The following C2orf92 variants were observed in gnomAD, a reference collection of about 807,000 sequenced individuals.
C2orf92 encodes the protein uncharacterized protein C2orf92.
chr2:97,688,502 A>G (rs1017637138), intron 3 of C2orf92, among the ~76,000 whole-genome samples: 1 of 152,180 alleles, frequency 6.6e-6, no homozygotes, highest in Admixed American at 6.5e-5. Context: ...GAGCTTTCTG[A>G]GCTTTTAGAA....
At chr2:97,679,631 C>T (rs1175925414) in intron 3 of C2orf92, among the ~76,000 whole-genome samples, 2 of 151,800 alleles carry the variant, frequency 1.3e-5, no homozygotes, top group African/African-American at 4.8e-5. Flanking sequence ...CACCTGAGGT[C>T]AGGAGTTTGA....
chr2:97,690,386 C>T (rs1218755121), intron 5 of C2orf92, 59 bp downstream of exon 5: 3 of 337,266 alleles, frequency 8.9e-6, no homozygotes, highest in African/African-American at 2.2e-5. Flanking sequence ...TCTTTTTCCT[C>T]TTTTTTTTTT....
intron 5 of C2orf92, among the ~76,000 whole-genome samples, chr2:97,695,867 T>C (rs1314792020): frequency 6.6e-6 from 1 of 152,166 alleles, no homozygotes; most frequent in Admixed American, 6.5e-5. Flanking sequence ...TTCTCCTGTC[T>C]CAGCCTCCTG....
At position 97,678,807 on chromosome 2, in the gene C2orf92, T is replaced by TAAAA. The variant is rs58050567; in HGVS notation, c.232+2897_232+2900dup. Among the ~76,000 whole-genome samples the TAAAA allele has an allele frequency of 2.8e-3, 310 of 110,150 alleles. 8 individuals carry two copies. The East Asian group carries it at 0.046, about 16-fold the overall frequency. 72.3% of individuals were successfully genotyped at this position (110,150 alleles called of 152,430 possible). A position where few individuals can be genotyped will look rare whatever the true frequency, so the allele number is the denominator to read the frequency against. The stretch of plus-strand genomic sequence containing the variant: ...CAATACGGCAAAACCCTGTTTCTAC[T>TAAAA]AAAAAAAAAAAAAAAAAAAAATTAG... On this transcript the variant is annotated intron_variant, in intron 3 of 7. Transcript: ENST00000627399.
At chr2:97,681,990 A>G (rs1675793316) in intron 3 of C2orf92, among the ~76,000 whole-genome samples, 1 of 152,218 alleles carries the variant, frequency 6.6e-6, no homozygotes, top group South Asian at 2.1e-4. Flanking sequence ...AAGAAGTGAA[A>G]TAACAGAAAA....
intron 3 of C2orf92, among the ~76,000 whole-genome samples, 171 bp from the exon 4 acceptor site, chr2:97,688,724 G>C (rs1676041582): frequency 1.3e-5 from 2 of 152,130 alleles, no homozygotes; most frequent in African/African-American, 4.8e-5. Context: ...AATGATTTAG[G>C]TAATTGGAGT....
intron 6 of C2orf92, among the ~76,000 whole-genome samples, chr2:97,699,484 C>T (rs968623271): frequency 6.6e-6 from 1 of 152,028 alleles, no homozygotes; most frequent in Non-Finnish European, 1.5e-5. Context: ...TGCCTGTAAT[C>T]GCAGCTACTC....
At chr2:97,666,206 G>C (rs1675225881), upstream of C2orf92, among the ~76,000 whole-genome samples, 1 of 151,550 alleles carries the variant, frequency 6.6e-6, no homozygotes, top group Non-Finnish European at 1.5e-5. Flanking sequence ...TTATGACCAT[G>C]GGTTGGGACT....
chr2:97,693,717 C>T (rs752846124), intron 5 of C2orf92, among the ~76,000 whole-genome samples: 2 of 152,202 alleles, frequency 1.3e-5, no homozygotes, highest in Non-Finnish European at 2.9e-5. Context: ...TGCTTCAGCA[C>T]ATCTGTGCTG....
At chr2:97,695,099 G>T (rs1179221471) in intron 5 of C2orf92, among the ~76,000 whole-genome samples, 1 of 152,124 alleles carries the variant, frequency 6.6e-6, no homozygotes, top group Non-Finnish European at 1.5e-5. Context: ...TTCCCATCCT[G>T]GGTGGGGTAC....
chr2:97,678,699 G>A (rs986140030), intron 3 of C2orf92, among the ~76,000 whole-genome samples: 9 of 151,900 alleles, frequency 5.9e-5, no homozygotes, highest in Non-Finnish European at 1.3e-4. Context: ...GCAGGGCATG[G>A]TGGCTCATTC....
intron 3 of C2orf92, among the ~76,000 whole-genome samples, chr2:97,680,005 C>A (rs1024531182): frequency 5.3e-5 from 8 of 152,108 alleles, no homozygotes; most frequent in African/African-American, 1.9e-4. Context: ...ATATACACAA[C>A]AAATAGCAAA....
chr2:97,690,796 T>C (rs1676111442), intron 5 of C2orf92, among the ~76,000 whole-genome samples: 1 of 150,524 alleles, frequency 6.6e-6, no homozygotes, highest in African/African-American at 2.4e-5. Flanking sequence ...GTTTTTTTTT[T>C]TGAGACAGAG....
Position 97,690,204 on chromosome 2 carries a change from A to G in C2orf92, c.332-52A>G, listed in dbSNP as rs1676082442. On this transcript the variant is annotated intron_variant, in intron 4 of 7. Coordinates refer to ENST00000627399, the MANE Select transcript of C2orf92 (RefSeq NM_001351368.2). Reference sequence around the variant, plus strand: ...GGGCCCAAGGTGCTTGCAAATGTGTACTGATGAATACCCTTTTTCTTATTG... The same window carrying G: ...GGGCCCAAGGTGCTTGCAAATGTGTGCTGATGAATACCCTTTTTCTTATTG... 3 of 397,768 alleles carry G rather than the reference A, an allele frequency of 7.5e-6. No individual in the cohort carries two copies. The East Asian group carries it at 1.1e-4, about 14-fold the overall frequency. The allele number at this position is 397,768 out of a possible 1,614,324, so 24.6% of individuals were successfully genotyped here. A position where few individuals can be genotyped will look rare whatever the true frequency, so the allele number is the denominator to read the frequency against.
Position 97,690,034 on chromosome 2 carries a change from G to A in C2orf92, c.332-222G>A, listed in dbSNP as rs1449623916. ...TAGTCCCAGCTACTTGGGAGGCTGA[G>A]ACATGAGCATCACTTGGACCTGGGA... is the stretch of plus-strand genomic sequence containing the variant. On this transcript the variant is annotated intron_variant, in intron 4 of 7. Coordinates refer to ENST00000627399, the MANE Select transcript of C2orf92 (RefSeq NM_001351368.2). 2.0e-5 allele frequency among the ~76,000 whole-genome samples: 3 copies of A among 152,018 alleles called. No individual in the cohort carries two copies. The East Asian group carries it at 5.8e-4, about 29-fold the overall frequency.
intron 3 of C2orf92, among the ~76,000 whole-genome samples, chr2:97,678,468 G>T (rs1384089608): frequency 6.6e-6 from 1 of 151,902 alleles, no homozygotes; most frequent in Non-Finnish European, 1.5e-5. Flanking sequence ...GTTACTCAAT[G>T]AACTCCAAGC....
At position 97,673,689 on chromosome 2, in the gene C2orf92, G is replaced by A. The variant is rs542446823; in HGVS notation, c.47-767G>A. ...AGCTCTGTGTGGCTGTGTCATGTCTGGTTGTATCTGTATATACTTCTGCCT... is the reference window on the plus strand; with the variant it reads ...AGCTCTGTGTGGCTGTGTCATGTCTAGTTGTATCTGTATATACTTCTGCCT... On this transcript the variant is annotated intron_variant, in intron 1 of 7. Transcript: ENST00000627399. Among the ~76,000 whole-genome samples the A allele has an allele frequency of 3.3e-5, 5 of 152,204 alleles. No individual in the cohort carries two copies. In the East Asian group the frequency reaches 9.7e-4, roughly 29 times the overall value.
intron 3 of C2orf92, among the ~76,000 whole-genome samples, chr2:97,687,742 G>A (rs1196593184): frequency 6.7e-6 from 1 of 150,056 alleles, no homozygotes; most frequent in Non-Finnish European, 1.5e-5. Context: ...TTCCGTTCCG[G>A]CAGCTGTCCG....
intron 1 of C2orf92, chr2:97,671,655 G>A: frequency 2.5e-6 from 1 of 393,122 alleles, no homozygotes; most frequent in Non-Finnish European, 4.5e-6. Flanking sequence ...ACAGTCTCAG[G>A]AAATTAAGCA....
Sources: allele counts gnomAD v4.1 joint callset (sites outside exome capture counted in the v4.1 genomes callset), GRCh38; gene constraint gnomAD v4.1.1; transcripts MANE v1.5; gene names NCBI Gene and HGNC (gene_info 2026-07-23, HGNC 2026-07-21).